The following USP32 variants were observed in gnomAD, a reference collection of about 807,000 sequenced individuals.
The protein encoded by USP32 is ubiquitin carboxyl-terminal hydrolase 32.
USP32 carries 59 observed loss-of-function variants against 204.8 expected under a neutral mutation model. That is an observed-to-expected ratio of 0.29 (90% CI 0.23 to 0.36). USP32 has a LOEUF of 0.36. Among genes scored for constraint, USP32 ranks in the 10% least tolerant of loss-of-function variants. The pLI, the probability that USP32 is intolerant of heterozygous loss-of-function variation, is 1.00. For missense variants in USP32, 1,160 were observed against 1,946.4 expected (o/e 0.60, Z 7.60); for synonymous variants, 517 against 678.4 (o/e 0.76, Z 3.70).
chr17:60,245,898 A>T (rs1224915005), intron 11 of USP32, among the ~76,000 whole-genome samples: 1 of 151,210 alleles, frequency 6.6e-6, no homozygotes, highest in Non-Finnish European at 1.5e-5. Flanking sequence ...CTATTAAAAA[A>T]TTATATATAA....
At chr17:60,240,366 A>C (rs1307858294) in intron 11 of USP32, among the ~76,000 whole-genome samples, 1 of 152,138 alleles carries the variant, frequency 6.6e-6, no homozygotes, top group Non-Finnish European at 1.5e-5. Context: ...TAGTTTCTTA[A>C]GTCTTCATTT....
chr17:60,359,447 C>T (rs1469478695), intron 1 of USP32, among the ~76,000 whole-genome samples: 2 of 152,072 alleles, frequency 1.3e-5, no homozygotes, highest in Non-Finnish European at 2.9e-5. Context: ...TTCTCTTGTC[C>T]AAGGCCTATG....
intron 1 of USP32, among the ~76,000 whole-genome samples, chr17:60,417,424 G>A (rs924751881): frequency 3.3e-5 from 5 of 150,864 alleles, no homozygotes; most frequent in Admixed American, 2.0e-4. Context: ...GAGAATACAA[G>A]CATAAGCCAC....
At chr17:60,372,062 A>G (rs1452109954) in intron 1 of USP32, among the ~76,000 whole-genome samples, 4 of 152,158 alleles carry the variant, frequency 2.6e-5, no homozygotes, top group Non-Finnish European at 4.4e-5. Flanking sequence ...GGGAGAGGGG[A>G]AGGGGAAGTG....
At position 60,237,107 on chromosome 17, in the gene USP32, ATCTACTCT is replaced by A. The variant is rs2085746318; in HGVS notation, c.1137-875_1137-868del. Among the ~76,000 whole-genome samples the A allele has an allele frequency of 5.5e-4, 76 of 138,238 alleles. No individual in the cohort carries two copies. The South Asian group carries it at 0.015, about 28-fold the overall frequency. The allele number at this position is 138,238 out of a possible 152,430, so 90.7% of individuals were successfully genotyped here. On this transcript the variant is annotated intron_variant, in intron 11 of 33. Coordinates refer to ENST00000300896, the MANE Select transcript of USP32 (RefSeq NM_032582.4). ...TTACACTGGGATTATAAAAAAAAAA[ATCTACTCT>A]ATCTATCTATCTATCTATCTATCTA...
intron 12 of USP32, among the ~76,000 whole-genome samples, chr17:60,231,973 T>C (rs1032881929): frequency 6.6e-6 from 1 of 152,136 alleles, no homozygotes; most frequent in African/African-American, 2.4e-5. Flanking sequence ...GGCTCATTTT[T>C]CCTGATCCCT....
At chr17:60,238,089 T>C (rs1458480152) in intron 11 of USP32, among the ~76,000 whole-genome samples, 2 of 152,344 alleles carry the variant, frequency 1.3e-5, no homozygotes, top group South Asian at 4.1e-4. Flanking sequence ...TTAAAAATTC[T>C]AATAATCTTA....
intron 11 of USP32, among the ~76,000 whole-genome samples, chr17:60,237,115 T>C (rs2085748286): frequency 1.6e-4 from 1 of 6,296 alleles, no homozygotes; most frequent in Non-Finnish European, 3.2e-4. Flanking sequence ...AAATCTACTC[T>C]ATCTATCTAT....
At position 60,364,434 on chromosome 17, in the gene USP32, C is replaced by T. The variant is rs532338860; in HGVS notation, c.59-18826G>A. ...TCACTCCATCACCCAGGCTAGAGTG[C>T]GGTGGCGCGATGTCCACTCACCGCA... On this transcript the variant is annotated intron_variant, in intron 1 of 33. Transcript: ENST00000300896. 4.6e-5 allele frequency among the ~76,000 whole-genome samples: 7 copies of T among 152,288 alleles called. No individual in the cohort carries two copies. The East Asian group carries it at 5.8e-4, about 13-fold the overall frequency.
chr17:60,285,576 G>A (rs1167339261), intron 5 of USP32, among the ~76,000 whole-genome samples: 1 of 152,142 alleles, frequency 6.6e-6, no homozygotes, highest in Admixed American at 6.5e-5. Context: ...CTGCCGGAAA[G>A]GATCCTATGA....
At chr17:60,186,460 C>A (rs993468533) in intron 29 of USP32, among the ~76,000 whole-genome samples, 2 of 152,194 alleles carry the variant, frequency 1.3e-5, no homozygotes, top group Admixed American at 1.3e-4. Flanking sequence ...GAGCATGAAA[C>A]CCCACAGGGT....
intron 1 of USP32, among the ~76,000 whole-genome samples, chr17:60,351,203 G>A (rs1190731146): frequency 1.3e-5 from 2 of 151,920 alleles, no homozygotes; most frequent in Non-Finnish European, 2.9e-5. Flanking sequence ...AGACTCTCTG[G>A]ACCCTTGCAG....
chr17:60,254,673 T>C (rs1462233304), intron 10 of USP32, among the ~76,000 whole-genome samples: 1 of 152,102 alleles, frequency 6.6e-6, no homozygotes, highest in Non-Finnish European at 1.5e-5. Context: ...CACTCCAGTC[T>C]GCATGACAGA....
At chr17:60,256,524 G>A (rs1013548454) in intron 9 of USP32, 7 of 186,298 alleles carry the variant, frequency 3.8e-5, no homozygotes, top group African/African-American at 1.4e-4. Context: ...GGGAAAAAAT[G>A]GATTCCCAGC....
At chr17:60,262,345 C>T (rs1370974485) in intron 9 of USP32, among the ~76,000 whole-genome samples, 1 of 152,204 alleles carries the variant, frequency 6.6e-6, no homozygotes, top group African/African-American at 2.4e-5. Flanking sequence ...ATGCCCAACA[C>T]CATGCCCGGC....
In USP32 at chr17:60,203,333, G is replaced by A. The variant is rs551080016; in HGVS notation, c.3249+2114C>T. On this transcript the variant is annotated intron_variant, in intron 26 of 33. Coordinates refer to ENST00000300896, the MANE Select transcript of USP32 (RefSeq NM_032582.4). ...GGAGAATTGCTTGAACCCAGGAGGC[G>A]GAGGCTGCAGTGAGTGGAGATCACG... 1.1e-4 allele frequency among the ~76,000 whole-genome samples: 17 copies of A among 147,992 alleles called. No individual in the cohort carries two copies. The East Asian group carries it at 3.3e-3, about 29-fold the overall frequency.
chr17:60,392,707 A>T, upstream of USP32: 1 of 432,356 alleles, frequency 2.3e-6, no homozygotes, highest in Non-Finnish European at 4.6e-6. Context: ...AAAGGAAAGG[A>T]GAATCTCAAG....
chr17:60,181,832 T>G, intron 31 of USP32, 84 bp from the exon 32 acceptor site: 1 of 1,534,968 alleles, frequency 6.5e-7, no homozygotes. Flanking sequence ...GAGGTTAGCT[T>G]CACAACTGTA....
chr17:60,340,872 C>A (rs548046792), intron 2 of USP32, among the ~76,000 whole-genome samples: 1 of 152,204 alleles, frequency 6.6e-6, no homozygotes, highest in East Asian at 1.9e-4. Flanking sequence ...CTGGTGGTGA[C>A]AAAATCTCTC....
Sources: gnomAD v4.1 joint callset for allele counts (sites outside exome capture counted in the v4.1 genomes callset) on GRCh38, gnomAD v4.1.1 for gene constraint, MANE v1.5 for transcripts, NCBI Gene and HGNC (gene_info 2026-07-23, HGNC 2026-07-21) for gene names.